Variants in CALN1 observed in about 807,000 individuals in gnomAD.
CALN1 encodes the protein calcium-binding protein 8.
In CALN1, 17 loss-of-function variants were observed where a neutral mutation model predicts 30.6. The observed-to-expected ratio is 0.56, with a 90% confidence interval of 0.38 to 0.83. CALN1 has a LOEUF of 0.83. CALN1 is among the 40% of genes least tolerant of loss of function. The pLI is 0.00. For missense variants in CALN1, 291 were observed against 354.9 expected (o/e 0.82, Z 1.45); for synonymous variants, 156 against 131.4 (o/e 1.19, Z -1.28).
intron 5 of CALN1, among the ~76,000 whole-genome samples, chr7:71,846,884 CACATATATGTATATATAATATATACAT>C (rs1562834201): frequency 3.5e-5 from 5 of 143,368 alleles, no homozygotes; most frequent in East Asian, 4.0e-4. Flanking sequence ...AATATATACA[CACATATATGTATATATAATATATACAT>C]ACATATATGT....
chr7:71,833,946 C>T (rs944688644), intron 5 of CALN1, among the ~76,000 whole-genome samples: 3 of 151,922 alleles, frequency 2.0e-5, no homozygotes, highest in South Asian at 4.2e-4. Context: ...TAAATTGGCC[C>T]GGCGCAGTGG....
chr7:71,978,633 G>A lies in CALN1; in HGVS notation c.501+45024C>T, dbSNP rs540937518. On this transcript the variant is annotated intron_variant, in intron 5 of 6. Transcript: ENST00000395275. ...AGGGGCAGCGCCAGCTGTGGCTCCA[G>A]GTGTTGTCACGAGACCTATTGTTGA... 4.5e-4 allele frequency among the ~76,000 whole-genome samples: 68 copies of A among 152,164 alleles called. 1 individual carries two copies. Among genetic ancestry groups the A allele is most frequent in the Non-Finnish European group, 1.9e-4 (13 of 68,026 alleles).
At chr7:72,416,476 G>A (rs979209309), upstream of CALN1, among the ~76,000 whole-genome samples, 8 of 152,164 alleles carry the variant, frequency 5.3e-5, no homozygotes, top group African/African-American at 1.9e-4. Flanking sequence ...GGCTCACGCT[G>A]TAATCCCAGC....
At chr7:71,977,181 T>C (rs953728313) in intron 5 of CALN1, among the ~76,000 whole-genome samples, 1 of 152,128 alleles carries the variant, frequency 6.6e-6, no homozygotes, top group South Asian at 2.1e-4. Context: ...TTTTGCTTGA[T>C]AACAATGTCT....
intron 6 of CALN1, among the ~76,000 whole-genome samples, chr7:71,802,901 T>C (rs1453694766): frequency 6.6e-6 from 1 of 152,074 alleles, no homozygotes; most frequent in Non-Finnish European, 1.5e-5. Flanking sequence ...CGCATGCCTG[T>C]TAATTCCATT....
chr7:72,501,929 A>AAAAAATATATATATG, the CALN1 span, among the ~76,000 whole-genome samples: 2 of 58,554 alleles, frequency 3.4e-5, no homozygotes, highest in Non-Finnish European at 3.0e-5. Context: ...AAAAAAAAAA[A>AAAAAATATATATATG]TATATATATA....
At chr7:72,158,669 G>A (rs1787891533) in intron 3 of CALN1, among the ~76,000 whole-genome samples, 1 of 152,146 alleles carries the variant, frequency 6.6e-6, no homozygotes, top group Non-Finnish European at 1.5e-5. Flanking sequence ...TTCTTTGCTT[G>A]ATGTGTATCT....
At chr7:72,197,513 A>C (rs1359505529) in intron 3 of CALN1, among the ~76,000 whole-genome samples, 2 of 151,974 alleles carry the variant, frequency 1.3e-5, no homozygotes, top group Non-Finnish European at 2.9e-5. Flanking sequence ...TTGCTTCTTT[A>C]GGCTGGTGTT....
At position 72,171,022 on chromosome 7, in the gene CALN1, C is replaced by T. The variant is rs192289387; in HGVS notation, c.245-64728G>A. 1.6e-3 allele frequency among the ~76,000 whole-genome samples: 249 copies of T among 151,986 alleles called. 3 individuals are homozygous for T. Among genetic ancestry groups the T allele is most frequent in the Non-Finnish European group, 2.9e-3 (200 of 67,946 alleles). On this transcript the variant is annotated intron_variant, in intron 3 of 6. Coordinates refer to ENST00000395275, the MANE Select transcript of CALN1 (RefSeq NM_031468.4). ...ATATACAAAAATTAGCTGGGCATGGCGGTGTATGCCTATAGTCCCAACCAC... is the reference window on the plus strand; with the variant it reads ...ATATACAAAAATTAGCTGGGCATGGTGGTGTATGCCTATAGTCCCAACCAC...
chr7:72,300,448 G>C (rs1225822142), intron 2 of CALN1, among the ~76,000 whole-genome samples: 1 of 151,440 alleles, frequency 6.6e-6, no homozygotes, highest in Non-Finnish European at 1.5e-5. Context: ...AAAAAAAACA[G>C]TTAAAAATAC....
intron 4 of CALN1, chr7:72,103,946 C>A (rs1322603012): frequency 6.6e-6 from 1 of 152,254 alleles, no homozygotes; most frequent in Admixed American, 6.6e-5. Flanking sequence ...AGGCAGTGTG[C>A]AGGATATGGG....
intron 5 of CALN1, among the ~76,000 whole-genome samples, chr7:71,880,381 T>C (rs1486082330): frequency 6.6e-6 from 1 of 152,144 alleles, no homozygotes; most frequent in African/African-American, 2.4e-5. Flanking sequence ...TTGCATGAAC[T>C]TTCCCTTGCT....
chr7:72,254,756 A>C (rs1449901466), intron 3 of CALN1, among the ~76,000 whole-genome samples: 1 of 151,818 alleles, frequency 6.6e-6, no homozygotes, highest in African/African-American at 2.4e-5. Context: ...ACTTACATAA[A>C]TATTCTTTTT....
chr7:72,041,409 C>T, intron 4 of CALN1, among the ~76,000 whole-genome samples: 1 of 151,930 alleles, frequency 6.6e-6, no homozygotes, highest in African/African-American at 2.4e-5. Flanking sequence ...TTTGAGACAG[C>T]ATCTGGCTCT....
chr7:71,829,973 C>G (rs867981284), intron 5 of CALN1, among the ~76,000 whole-genome samples: 1 of 151,122 alleles, frequency 6.6e-6, no homozygotes, highest in Non-Finnish European at 1.5e-5. Context: ...AAGCCATTGT[C>G]TGTCTGTCTG....
chr7:72,149,763 T>C (rs1787075014), intron 3 of CALN1, among the ~76,000 whole-genome samples: 3 of 152,084 alleles, frequency 2.0e-5, no homozygotes, highest in South Asian at 2.1e-4. Context: ...ACCACAGTGA[T>C]TGGCTTCTTG....
chr7:72,473,462 T>G, the CALN1 span, among the ~76,000 whole-genome samples: 1 of 152,164 alleles, frequency 6.6e-6, no homozygotes, highest in African/African-American at 2.4e-5. Context: ...TAACTCCCTC[T>G]TCAACGAGAT....
Position 72,336,868 on chromosome 7 carries a change from G to A in CALN1, c.120-58058C>T, listed in dbSNP as rs1024777576. On this transcript the variant is annotated intron_variant, in intron 2 of 6. Coordinates refer to ENST00000395275, the MANE Select transcript of CALN1 (RefSeq NM_031468.4). ...CCCCAGCAGGCAGCCGCGTCCCCGT[G>A]CCGGCATCCTCGCTGCCGCCGGCTC... The A allele has an allele frequency of 4.1e-6, 4 of 985,008 alleles. No homozygotes were observed. In the African/African-American group the frequency reaches 7.0e-5, roughly 17 times the overall value. 61.0% of individuals were successfully genotyped at this position (985,008 alleles called of 1,614,324 possible).
intron 3 of CALN1, among the ~76,000 whole-genome samples, chr7:72,140,364 G>C (rs1219142542): frequency 7.4e-6 from 1 of 135,912 alleles, no homozygotes; most frequent in African/African-American, 2.7e-5. Context: ...GGGAGGGAGG[G>C]AGGGAGGGAG....
Sources: allele counts gnomAD v4.1 joint callset (sites outside exome capture counted in the v4.1 genomes callset), GRCh38; gene constraint gnomAD v4.1.1; transcripts MANE v1.5; gene names NCBI Gene and HGNC (gene_info 2026-07-23, HGNC 2026-07-21).